Variants in BNIP2 observed in about 807,000 individuals in gnomAD.
BNIP2 encodes the protein BCL2/adenovirus E1B 19 kDa protein-interacting protein 2.
Under a neutral mutation model 43.4 loss-of-function variants are expected in BNIP2, and 36 were observed. The ratio of observed to expected loss-of-function variants is 0.83; its 90% CI spans 0.64 to 1.10. The LOEUF (loss-of-function observed/expected upper bound fraction) is 1.10, where lower values mean the gene tolerates loss of function less well. Among genes scored for constraint, BNIP2 ranks in the 50% least tolerant of loss-of-function variants. The pLI, the probability that BNIP2 is intolerant of heterozygous loss-of-function variation, is 0.00. For missense variants in BNIP2, 417 were observed against 374.1 expected, an observed-to-expected ratio of 1.11 and a Z score of -0.95; for synonymous variants, 146 against 121.0, an observed-to-expected ratio of 1.21 and a Z score of -1.35.
intron 1 of BNIP2, among the ~76,000 whole-genome samples, chr15:59,684,446 A>G (rs974758718): frequency 6.6e-6 from 1 of 152,200 alleles, no homozygotes; most frequent in Non-Finnish European, 1.5e-5. Context: ...AAAAAGAGGG[A>G]CACCTACCTT....
intron 5 of BNIP2, among the ~76,000 whole-genome samples, chr15:59,676,422 C>G (rs1175439949): frequency 6.6e-6 from 1 of 152,038 alleles, no homozygotes; most frequent in African/African-American, 2.4e-5. Flanking sequence ...CTCCTGGGCT[C>G]AAGTAATCCT....
intron 9 of BNIP2, 182 bp downstream of exon 9, chr15:59,668,710 C>CT: frequency 1.9e-6 from 1 of 526,704 alleles, no homozygotes; most frequent in East Asian, 3.2e-5. Context: ...AAAATGCTAA[C>CT]TTAGGGGGAT....
chr15:59,679,509 G>A, intron 4 of BNIP2, 83 bp downstream of exon 4: 1 of 1,384,520 alleles, frequency 7.2e-7, no homozygotes, highest in Non-Finnish European at 9.8e-7. Flanking sequence ...ACAAATATAT[G>A]AACTTTAGAA....
chr15:59,668,736 C>A, intron 9 of BNIP2, 156 bp downstream of exon 9: 2 of 527,266 alleles, frequency 3.8e-6, no homozygotes, highest in Non-Finnish European at 6.1e-6. Context: ...GGGAAAATGG[C>A]TTCTTCCTCT....
At chr15:59,678,359 A>C (rs543893634) in intron 4 of BNIP2, 1 of 1,159,026 alleles carries the variant, frequency 8.6e-7, no homozygotes, top group South Asian at 2.3e-5. Flanking sequence ...CAGAAAATAT[A>C]ATTTGTAGAG....
intron 2 of BNIP2, among the ~76,000 whole-genome samples, chr15:59,680,572 C>G (rs1007095795): frequency 1.3e-5 from 2 of 152,084 alleles, no homozygotes; most frequent in Non-Finnish European, 2.9e-5. Context: ...CGACGCTTGG[C>G]TAATTTTTAG....
chr15:59,678,877 C>T (rs1057149622), intron 4 of BNIP2: 2 of 1,299,166 alleles, frequency 1.5e-6, no homozygotes, highest in African/African-American at 3.0e-5. Flanking sequence ...CACATAGGCA[C>T]AAAACTATTT....
intron 4 of BNIP2, 179 bp from the exon 5 acceptor site, chr15:59,678,266 C>T (rs1893438317): frequency 2.3e-6 from 3 of 1,331,016 alleles, no homozygotes; most frequent in Admixed American, 7.3e-5. Flanking sequence ...TGTTTTATGT[C>T]TTTGGAAATC....
At chr15:59,683,380 G>A (rs543941164) in intron 1 of BNIP2, among the ~76,000 whole-genome samples, 8 of 152,300 alleles carry the variant, frequency 5.3e-5, no homozygotes, top group South Asian at 2.1e-4. Flanking sequence ...CGAGTATTTA[G>A]TTCATTTACA....
intron 5 of BNIP2, among the ~76,000 whole-genome samples, chr15:59,675,403 G>A (rs1268980513): frequency 6.6e-6 from 1 of 151,838 alleles, no homozygotes; most frequent in African/African-American, 2.4e-5. Context: ...GAGGTCAGGT[G>A]ATCGAGACCA....
intron 1 of BNIP2, among the ~76,000 whole-genome samples, chr15:59,686,143 G>C (rs1191156250): frequency 1.3e-5 from 2 of 152,322 alleles, no homozygotes; most frequent in East Asian, 3.9e-4. Flanking sequence ...AAATCAAAGA[G>C]ATAATTGATT....
intron 9 of BNIP2, 136 bp downstream of exon 9, chr15:59,668,756 T>TTA: frequency 1.6e-6 from 1 of 640,086 alleles, no homozygotes; most frequent in Non-Finnish European, 2.4e-6. Context: ...TTTTTCTTTG[T>TTA]TACACACACA....
chr15:59,682,281 C>G (rs533680031), intron 2 of BNIP2, 127 bp downstream of exon 2: 2 of 696,204 alleles, frequency 2.9e-6, no homozygotes, highest in Non-Finnish European at 4.7e-6. Context: ...GAGCTGAGAT[C>G]GCGCCACTGC....
Position 59,668,923 on chromosome 15 carries a change from C to T in BNIP2, c.862G>A (p.Glu288Lys). 1 of 1,613,690 alleles carries T rather than the reference C, an allele frequency of 6.2e-7. No individual in the cohort carries two copies. The highest frequency in any genetic ancestry group is 8.5e-7 in the Non-Finnish European group (1 of 1,179,738). The change falls in exon 9 of 10, where the codon GAA becomes AAA. Residue 288 changes from glutamate (E) to lysine (K), a missense_variant. Coordinates refer to ENST00000607373, the MANE Select transcript of BNIP2 (RefSeq NM_004330.4). ...LAELAELVPM[E>K]YVGIPECIKQ... ...ATGCATTCTGGTATGCCAACGTATTCCATGGGGACAAGTTCTGCTAGTTCT... is the reference window on the plus strand; with the variant it reads ...ATGCATTCTGGTATGCCAACGTATTTCATGGGGACAAGTTCTGCTAGTTCT...
chr15:59,688,667 G>C (rs1894178080), intron 1 of BNIP2: 5 of 1,514,020 alleles, frequency 3.3e-6, no homozygotes, highest in Non-Finnish European at 4.4e-6. Context: ...TACTAGGGAA[G>C]ATCTATTAAA....
intron 7 of BNIP2, 36 bp from the exon 8 acceptor site, chr15:59,669,398 A>C: frequency 7.6e-7 from 1 of 1,315,112 alleles, no homozygotes; most frequent in East Asian, 2.4e-5. Flanking sequence ...CACACAAAGA[A>C]AATTAAAAAT....
intron 5 of BNIP2, among the ~76,000 whole-genome samples, chr15:59,674,762 TTCTA>T (rs2142002121): frequency 6.6e-6 from 1 of 152,338 alleles, no homozygotes; most frequent in South Asian, 2.1e-4. Context: ...ACCACTAACA[TTCTA>T]GCACTATTTA....
rs766304179 is a variant in BNIP2, at chr15:59,689,294, G to C, written c.-217C>G. ...CCCCCGGCCGCAGCGGTACGGCGTC[G>C]GCGGCAGCAGCTGACCCGGACACAG... On this transcript the variant is annotated 5_prime_UTR_variant, in exon 1 of 10. Coordinates refer to ENST00000607373, the MANE Select transcript of BNIP2 (RefSeq NM_004330.4). 5.2e-6 allele frequency: 8 copies of C among 1,546,154 alleles called. No homozygotes were observed. Among genetic ancestry groups the C allele is most frequent in the African/African-American group, 4.1e-5 (3 of 72,992 alleles).
chr15:59,666,870 T>C (rs1400459840), intron 9 of BNIP2, among the ~76,000 whole-genome samples: 1 of 151,808 alleles, frequency 6.6e-6, no homozygotes, highest in East Asian at 1.9e-4. Flanking sequence ...TTTCAAACAA[T>C]ATATTTAAAT....
Sources: allele counts gnomAD v4.1 joint callset (sites outside exome capture counted in the v4.1 genomes callset), GRCh38; gene constraint gnomAD v4.1.1; transcripts MANE v1.5; gene names NCBI Gene and HGNC (gene_info 2026-07-23, HGNC 2026-07-21).